MYO15A: variants seen among roughly 807,000 people sequenced by gnomAD.
MYO15A encodes the protein unconventional myosin-XV.
A neutral mutation model predicts 394.6 loss-of-function variants in MYO15A; 308 were observed. The observed-to-expected ratio is 0.78, with a 90% CI of 0.71 to 0.86. The LOEUF (loss-of-function observed/expected upper bound fraction) is 0.86, where lower values mean the gene tolerates loss of function less well. Among genes scored for constraint, MYO15A ranks in the 40% least tolerant of loss-of-function variants. The pLI, the probability that MYO15A is intolerant of heterozygous loss-of-function variation, is 0.00. For synonymous variants in MYO15A, 1,957 were observed against 2,003.8 expected (o/e 0.98, Z 0.62); for missense variants, 4,606 against 4,799.1 (o/e 0.96, Z 1.19).
chr17:18,145,705 C>T (rs1490317477), intron 29 of MYO15A, among the ~76,000 whole-genome samples, 167 bp from the exon 30 acceptor site: 1 of 151,852 alleles, frequency 6.6e-6, no homozygotes, highest in African/African-American at 2.4e-5. Context: ...ACAGAGACTC[C>T]ATCTCAAAAA....
chr17:18,160,620 G>A (rs935051851), intron 56 of MYO15A: 7 of 194,928 alleles, frequency 3.6e-5, no homozygotes, highest in African/African-American at 1.6e-4. Context: ...CTGTGGCCAG[G>A]GGCTGCGGTG....
chr17:18,126,489 C>A, intron 5 of MYO15A, 33 bp downstream of exon 5: 1 of 1,583,916 alleles, frequency 6.3e-7, no homozygotes, highest in Non-Finnish European at 8.7e-7. Flanking sequence ...CCTGGGGTCT[C>A]TTGGGCCCCT....
At chr17:18,174,096 C>A (rs2142437537) in intron 65 of MYO15A, among the ~76,000 whole-genome samples, 175 bp downstream of exon 65, 1 of 152,308 alleles carries the variant, frequency 6.6e-6, no homozygotes, top group Non-Finnish European at 1.5e-5. Context: ...TCCAGGGAAG[C>A]AACTTGGCAG....
chr17:18,138,022 T>G, intron 16 of MYO15A, 93 bp from the exon 17 acceptor site: 3 of 1,446,712 alleles, frequency 2.1e-6, no homozygotes, highest in Admixed American at 4.6e-5. Context: ...GAGGTGCTGC[T>G]GGCCAGGCTC....
chr17:18,118,683 C>T lies in MYO15A; in HGVS notation c.-118C>T. ...CCACCCAGGGCCAGTCGGGTCTGCT[C>T]ACAGCCCGAGGAGGCCGCGTGTCCA... On this transcript the variant is annotated 5_prime_UTR_variant, in exon 2 of 66. Coordinates refer to ENST00000647165, the MANE Select transcript of MYO15A (RefSeq NM_016239.4). 3 of 1,530,378 alleles carry T rather than the reference C, an allele frequency of 2.0e-6. No homozygotes were observed. The highest frequency in any genetic ancestry group is 2.7e-6 in the Non-Finnish European group (3 of 1,130,254). The allele number at this position is 1,530,378 out of a possible 1,614,324, so 94.8% of individuals were successfully genotyped here.
chr17:18,156,909 G>T lies in MYO15A; in HGVS notation c.8602-45G>T, dbSNP rs760288000. The T allele has an allele frequency of 2.7e-5, 41 of 1,533,800 alleles. No individual in the cohort carries two copies. The East Asian group carries it at 9.0e-4, about 34-fold the overall frequency. ...GGGGTGGCCCTAGGCCTCTGGGAGT[G>T]GGGTGATAGGGCTGTTGCCCTCACC... On this transcript the variant is annotated intron_variant, in intron 48 of 65. Coordinates refer to ENST00000647165, the MANE Select transcript of MYO15A (RefSeq NM_016239.4).
chr17:18,127,844 T>G (rs1446869071), intron 7 of MYO15A, among the ~76,000 whole-genome samples: 1 of 146,964 alleles, frequency 6.8e-6, no homozygotes, highest in African/African-American at 2.5e-5. Context: ...GATATATATA[T>G]ATATATATAT....
In MYO15A at chr17:18,172,400, C is replaced by A. The variant is rs752034641; in HGVS notation, c.10350+110C>A. On this transcript the variant is annotated intron_variant, in intron 64 of 65. Transcript: ENST00000647165. Reference sequence around the variant, plus strand: ...GCCGAAGCCCAGTTCCACTGCTTACCACCTTCATGATCTCAGGCAAGTCTC... The same window carrying A: ...GCCGAAGCCCAGTTCCACTGCTTACAACCTTCATGATCTCAGGCAAGTCTC... 60 of 1,468,034 alleles carry A rather than the reference C, an allele frequency of 4.1e-5. No individual in the cohort carries two copies. The African/African-American group carries it at 8.0e-4, about 19-fold the overall frequency. The allele number at this position is 1,468,034 out of a possible 1,614,324, so 90.9% of individuals were successfully genotyped here. A position where few individuals can be genotyped will look rare whatever the true frequency, so the allele number is the denominator to read the frequency against.
Position 18,121,332 on chromosome 17 carries a change from C to T in MYO15A, c.2532C>T (p.Pro844=), listed in dbSNP as rs1194179682. The T allele has an allele frequency of 7.2e-7, 1 of 1,383,846 alleles. No homozygotes were observed. 85.7% of individuals were successfully genotyped at this position (1,383,846 alleles called of 1,614,324 possible). ...GPPGSPLPGS[P]RPPSPPLGLC... is the part of the protein sequence containing the mutation. ...CCGGCTCGCCGCTGCCGGGCTCACC[C>T]AGGCCGCCCTCGCCGCCCCTGGGGC... Residue 844 remains proline (P), a synonymous_variant, in exon 2 of 66, where the codon CCC becomes CCT. Transcript: ENST00000647165. This position sits in a 1 kb window ranked among gnomAD's most constrained non-coding sequence, Gnocchi z 5.3.
In MYO15A at chr17:18,158,592, C is replaced by G; in HGVS notation, c.9037C>G (p.Leu3013Val). The change falls in exon 52 of 66, where the codon CTC becomes GTC. Residue 3013 changes from leucine to valine, a missense_variant. By Grantham distance (32) the Leu-to-Val change is conservative. Transcript: ENST00000647165. ...CCTGGCGCTCCCACCCTACACAATG[C>G]TCGAGTTTGCCCAGAAGTATTTCCG... ...DALALPPYTM[L>V]EFAQKYFRDP... 6.2e-7 allele frequency: 1 copy of G among 1,614,218 alleles called. No homozygotes were observed. The highest frequency in any genetic ancestry group is 8.5e-7 in the Non-Finnish European group (1 of 1,180,018).
In MYO15A at chr17:18,155,223, A is replaced by G. The variant is rs952411937; in HGVS notation, c.8338A>G (p.Thr2780Ala). 1.2e-6 allele frequency: 2 copies of G among 1,613,972 alleles called. No homozygotes were observed. Among genetic ancestry groups the G allele is most frequent in the Non-Finnish European group, 1.7e-6 (2 of 1,179,998 alleles). Residue 2780 changes from threonine to alanine, a missense_variant and splice_region_variant, in exon 46 of 66, where the codon ACG (threonine) becomes GCG (alanine). Physicochemically the swap from Thr to Ala is moderately conservative, Grantham distance 58 (BLOSUM62 0). Coordinates refer to ENST00000647165, the MANE Select transcript of MYO15A (RefSeq NM_016239.4). The part of the protein sequence containing the change: ...EVYFSRIFPA[T>A]GSVGTGVQLL... ...CTACTTCTCCCGCATCTTCCCCGCC[A>G]CGGTGCGAGCCCCTCACTTGCCCCC...
At chr17:18,176,095 C>G (rs2142443650) in intron 65 of MYO15A, among the ~76,000 whole-genome samples, 1 of 152,340 alleles carries the variant, frequency 6.6e-6, no homozygotes, top group East Asian at 1.9e-4. Context: ...GATCCCTGCC[C>G]CCATAGCCCT....
rs200605472 is a variant in MYO15A at position 18,167,639 on chromosome 17, G to A, written c.9998G>A (p.Arg3333Gln). 389 of 1,603,954 alleles carry A rather than the reference G, an allele frequency of 2.4e-4. 2 individuals carry two copies. The highest frequency in any genetic ancestry group is 8.2e-4 in the Middle Eastern group (5 of 6,084). ...KGLFSSVPAS[R>Q]PSEQLLQQVS... ...CTCTTCAGCAGTGTGCCGGCCAGCCGGCCCAGCGAGCAGCTGCTGCAGCAG... is the reference window on the plus strand; with the variant it reads ...CTCTTCAGCAGTGTGCCGGCCAGCCAGCCCAGCGAGCAGCTGCTGCAGCAG... The change falls in exon 62 of 66, where the codon CGG (arginine) becomes CAG (glutamine). Residue 3333 changes from arginine (R) to glutamine (Q), a missense_variant. Transcript: ENST00000647165.
At position 18,143,928 on chromosome 17, in the gene MYO15A, T is replaced by C; in HGVS notation, c.6105T>C (p.Ala2035=). ...VAPVRTPRLQ[A]EPRVTLPLDI... is the part of the protein sequence containing the mutation. ...CTGTGAGGACTCCTCGACTCCAGGC[T>C]GAGCCCCGTGTCACACTGCCCCTGG... is the stretch of plus-strand genomic sequence containing the variant. Residue 2035 remains alanine, a synonymous_variant, in exon 28 of 66, where the codon GCT becomes GCC. Coordinates refer to ENST00000647165, the MANE Select transcript of MYO15A (RefSeq NM_016239.4). 1 of 1,609,508 alleles carries C rather than the reference T, an allele frequency of 6.2e-7. No individual in the cohort carries two copies. The highest frequency in any genetic ancestry group is 8.5e-7 in the Non-Finnish European group (1 of 1,178,022).
intron 60 of MYO15A, chr17:18,164,161 G>A (rs959924812): frequency 4.2e-5 from 17 of 403,206 alleles, no homozygotes; most frequent in Admixed American, 2.2e-4. Flanking sequence ...CATTAATAGC[G>A]CCGCATATTA....
At chr17:18,143,519 G>C in intron 25 of MYO15A, 47 bp from the exon 26 acceptor site, 1 of 1,548,064 alleles carries the variant, frequency 6.5e-7, no homozygotes, top group East Asian at 2.4e-5. Flanking sequence ...GGTGCCGGTC[G>C]TCACCTCTGC....
chr17:18,163,358 A>C, intron 59 of MYO15A, 37 bp downstream of exon 59: 1 of 1,601,538 alleles, frequency 6.2e-7, no homozygotes, highest in Non-Finnish European at 8.6e-7. Context: ...CAGGTACTGG[A>C]GGGGCAGGGA....
chr17:18,154,074 T>C, intron 43 of MYO15A, 57 bp from the exon 44 acceptor site: 1 of 1,608,270 alleles, frequency 6.2e-7, no homozygotes. Flanking sequence ...CGGGGCCGGG[T>C]GTGAAGCAAG....
rs774042241 is a variant in MYO15A, at chr17:18,119,382, C to T, written c.582C>T (p.Arg194=). ...GGCTCCGGAGGTTCCCCCGCAGCCGCAGCATCTACGCGTCAGGCGAGCCCC... is the reference window on the plus strand; with the variant it reads ...GGCTCCGGAGGTTCCCCCGCAGCCGTAGCATCTACGCGTCAGGCGAGCCCC... The part of the protein sequence containing the change: ...GGRLRRFPRS[R]SIYASGEPLG... Residue 194 remains arginine (R), a synonymous_variant, in exon 2 of 66, where the codon CGC becomes CGT. Transcript: ENST00000647165. The T allele has an allele frequency of 1.9e-6, 3 of 1,610,704 alleles. No individual in the cohort carries two copies. Among genetic ancestry groups the T allele is most frequent in the Non-Finnish European group, 1.7e-6 (2 of 1,179,710 alleles).
Sources: gnomAD v4.1 joint callset for allele counts (sites outside exome capture counted in the v4.1 genomes callset) on GRCh38, gnomAD v4.1.1 for gene constraint, Gnocchi (gnomAD v3.1) non-coding constraint, MANE v1.5 for transcripts, NCBI Gene and HGNC (gene_info 2026-07-23, HGNC 2026-07-21) for gene names.